Variants in FRAS1 observed in about 807,000 individuals in gnomAD.
FRAS1 encodes Fraser extracellular matrix complex subunit 1.
Under a neutral mutation model 435.2 loss-of-function variants are expected in FRAS1, and 290 were observed. That is an observed-to-expected ratio of 0.67 (90% CI 0.61 to 0.73). The LOEUF (loss-of-function observed/expected upper bound fraction) is 0.73. Ranked by LOEUF, FRAS1 falls within the 30% of genes least tolerant of loss-of-function variation. The probability of loss-of-function intolerance (pLI) is 0.00; values close to 1 mark genes in which losing one functional copy is unlikely to be tolerated. For missense variants in FRAS1, 4,860 were observed against 5,001.5 expected, an observed-to-expected ratio of 0.97 and a Z score of 0.85; for synonymous variants, 1,800 against 1,851.0, an observed-to-expected ratio of 0.97 and a Z score of 0.71.
At chr4:78,290,255 G>A (rs563854997) in intron 14 of FRAS1, among the ~76,000 whole-genome samples, 85 of 152,204 alleles carry the variant, frequency 5.6e-4, no homozygotes, top group African/African-American at 1.9e-3. Flanking sequence ...ATTTTTATAC[G>A]TGTATCAATG....
chr4:78,359,580 A>T (rs1730996873), intron 20 of FRAS1, among the ~76,000 whole-genome samples: 1 of 152,160 alleles, frequency 6.6e-6, no homozygotes. Flanking sequence ...GAAAGTTTGC[A>T]TGAGTGGATT....
intron 14 of FRAS1, among the ~76,000 whole-genome samples, chr4:78,288,824 A>T (rs1376909013): frequency 6.6e-6 from 1 of 152,196 alleles, no homozygotes; most frequent in Non-Finnish European, 1.5e-5. Flanking sequence ...ATTTTTTGCA[A>T]TATTCATGCT....
intron 20 of FRAS1, 72 bp from the exon 21 acceptor site, chr4:78,363,441 C>T (rs1350138217): frequency 9.1e-6 from 13 of 1,432,162 alleles, no homozygotes; most frequent in Non-Finnish European, 1.2e-5. Context: ...TCTCTTCTGC[C>T]CTTCTGTGCA....
intron 2 of FRAS1, among the ~76,000 whole-genome samples, chr4:78,165,735 C>T (rs1159901134): frequency 6.6e-6 from 1 of 152,138 alleles, no homozygotes; most frequent in Non-Finnish European, 1.5e-5. Context: ...GTGGAACTGC[C>T]TGCTTGCATG....
chr4:78,502,077 A>G (rs1006544098), intron 61 of FRAS1, among the ~76,000 whole-genome samples: 7 of 152,172 alleles, frequency 4.6e-5, no homozygotes, highest in Non-Finnish European at 1.0e-4. Flanking sequence ...ATGGGTCTAC[A>G]TATCTCTTTT....
At chr4:78,203,947 T>G (rs1411068852) in intron 2 of FRAS1, among the ~76,000 whole-genome samples, 2 of 152,184 alleles carry the variant, frequency 1.3e-5, no homozygotes, top group Non-Finnish European at 2.9e-5. Flanking sequence ...TTGTTAGTGA[T>G]CTTACTGTTT....
chr4:78,231,413 T>G (rs1370797326), intron 2 of FRAS1, among the ~76,000 whole-genome samples: 1 of 152,000 alleles, frequency 6.6e-6, no homozygotes, highest in Non-Finnish European at 1.5e-5. Context: ...CCTCACTTAC[T>G]GGTTTATATA....
intron 29 of FRAS1, among the ~76,000 whole-genome samples, chr4:78,389,911 A>G (rs772063945): frequency 1.3e-5 from 2 of 152,178 alleles, no homozygotes; most frequent in Admixed American, 6.5e-5. Flanking sequence ...GTGACTTGTG[A>G]GTCATGTAGG....
intron 2 of FRAS1, among the ~76,000 whole-genome samples, chr4:78,081,168 C>T (rs774350856): frequency 4.7e-4 from 71 of 152,180 alleles, no homozygotes; most frequent in Non-Finnish European, 8.5e-4. Flanking sequence ...CTGTAAAGGG[C>T]AACAACAGGT....
At chr4:78,416,855 T>G (rs11729789) in intron 32 of FRAS1, among the ~76,000 whole-genome samples, 36,543 of 151,828 alleles carry the variant, frequency 0.24, 4,719 homozygotes, top group African/African-American at 0.32. Context: ...GGCCACTGGG[T>G]TAATCCTGGG....
In FRAS1 at chr4:78,305,553, G is replaced by A. The variant is rs575953166; in HGVS notation, c.1535-2513G>A. Among the ~76,000 whole-genome samples, 306 of 130,512 alleles carry A rather than the reference G, an allele frequency of 2.3e-3. 4 individuals carry two copies. Among genetic ancestry groups the A allele is most frequent in the African/African-American group, 8.5e-3 (294 of 34,564 alleles). The allele number at this position is 130,512 out of a possible 152,430, so 85.6% of individuals were successfully genotyped here. ...TTATGAATCTGGGTGCTGCTGTATT[G>A]GGTGCATATATATTCAGGATAGTTA... On this transcript the variant is annotated intron_variant, in intron 14 of 73. Coordinates refer to ENST00000512123, the MANE Select transcript of FRAS1 (RefSeq NM_025074.7).
At chr4:78,182,516 A>G (rs1188269619) in intron 2 of FRAS1, among the ~76,000 whole-genome samples, 1 of 152,210 alleles carries the variant, frequency 6.6e-6, no homozygotes, top group Non-Finnish European at 1.5e-5. Context: ...AAGTAGGTTT[A>G]GGGATAGTGA....
chr4:78,163,595 A>T (rs990026497), intron 2 of FRAS1, among the ~76,000 whole-genome samples: 1 of 152,196 alleles, frequency 6.6e-6, no homozygotes, highest in African/African-American at 2.4e-5. Flanking sequence ...CCCCACAAAG[A>T]AAACAATAGT....
At chr4:78,439,623 T>A (rs905136506) in intron 40 of FRAS1, among the ~76,000 whole-genome samples, 1 of 152,186 alleles carries the variant, frequency 6.6e-6, no homozygotes, top group African/African-American at 2.4e-5. Flanking sequence ...TTATTTATTT[T>A]ATGTTTTGTT....
intron 9 of FRAS1, among the ~76,000 whole-genome samples, chr4:78,273,377 T>A (rs1043098543): frequency 1.2e-4 from 18 of 152,310 alleles, no homozygotes; most frequent in Non-Finnish European, 2.4e-4. Flanking sequence ...AGAGAGGGCA[T>A]CCCTGTCTTG....
intron 47 of FRAS1, among the ~76,000 whole-genome samples, chr4:78,455,423 G>GTT (rs1560737970): frequency 6.6e-6 from 1 of 151,830 alleles, no homozygotes; most frequent in Non-Finnish European, 1.5e-5. Flanking sequence ...GTTGAGGAGG[G>GTT]AGGGGGTTCT....
At chr4:78,305,274 A>G (rs1728652042) in intron 14 of FRAS1, among the ~76,000 whole-genome samples, 1 of 151,974 alleles carries the variant, frequency 6.6e-6, no homozygotes, top group Non-Finnish European at 1.5e-5. Flanking sequence ...GGAGAGCTTT[A>G]CTTCCAAGTA....
chr4:78,135,139 A>C (rs950439461), intron 2 of FRAS1, among the ~76,000 whole-genome samples: 31 of 152,212 alleles, frequency 2.0e-4, no homozygotes, highest in African/African-American at 7.0e-4. Flanking sequence ...TTCCCCCTGC[A>C]CTTGCAAATT....
intron 31 of FRAS1, among the ~76,000 whole-genome samples, chr4:78,410,683 C>T (rs1481402797): frequency 6.6e-6 from 1 of 152,128 alleles, no homozygotes; most frequent in Non-Finnish European, 1.5e-5. Flanking sequence ...AGACTAAGGT[C>T]TGGTGAGAAA....
Sources: allele counts gnomAD v4.1 joint callset (sites outside exome capture counted in the v4.1 genomes callset), GRCh38; gene constraint gnomAD v4.1.1; transcripts MANE v1.5; gene names NCBI Gene and HGNC (gene_info 2026-07-23, HGNC 2026-07-21).